The following CSMD1 variants were observed in gnomAD, a reference collection of about 807,000 sequenced individuals.
The protein encoded by CSMD1 is CUB and sushi domain-containing protein 1.
In CSMD1, 213 loss-of-function variants were observed where a neutral mutation model predicts 417.5. The observed-to-expected ratio is 0.51, with a 90% confidence interval of 0.46 to 0.57. CSMD1 has a LOEUF of 0.57. CSMD1 is among the 20% of genes least tolerant of loss of function. The pLI, the probability that CSMD1 is intolerant of heterozygous loss-of-function variation, is 0.00. For synonymous variants in CSMD1, 2,862 were observed against 1,736.8 expected (o/e 1.65, Z -16.11); for missense variants, 6,923 against 4,529.7 (o/e 1.53, Z -15.17).
intron 5 of CSMD1, among the ~76,000 whole-genome samples, chr8:3,820,302 A>G (rs922219892): frequency 6.6e-6 from 1 of 152,172 alleles, no homozygotes; most frequent in Admixed American, 6.5e-5. Flanking sequence ...AGCTCAGAAG[A>G]GGACACAGTA....
chr8:4,353,885 G>C (rs1233771668), intron 3 of CSMD1, among the ~76,000 whole-genome samples: 1 of 152,162 alleles, frequency 6.6e-6, no homozygotes, highest in South Asian at 2.1e-4. Context: ...TAGTGCCAGG[G>C]AAAAGAGCAT....
chr8:4,102,837 T>TAA (rs1263757322), intron 3 of CSMD1, among the ~76,000 whole-genome samples: 7 of 152,158 alleles, frequency 4.6e-5, no homozygotes, highest in African/African-American at 1.7e-4. Context: ...TCCTGCTTGA[T>TAA]ATCAGGAAGG....
chr8:3,604,404 G>C (rs976397468), intron 8 of CSMD1, among the ~76,000 whole-genome samples: 5 of 152,016 alleles, frequency 3.3e-5, no homozygotes, highest in Non-Finnish European at 5.9e-5. Flanking sequence ...ATTTTCTCTG[G>C]TCAGTATATA....
chr8:3,339,748 T>C (rs1203707982), intron 23 of CSMD1, among the ~76,000 whole-genome samples: 1 of 152,170 alleles, frequency 6.6e-6, no homozygotes, highest in Non-Finnish European at 1.5e-5. Flanking sequence ...TCTAAGCTTC[T>C]TATGTCACAG....
At chr8:3,962,475 C>A (rs954834997) in intron 5 of CSMD1, among the ~76,000 whole-genome samples, 2 of 152,128 alleles carry the variant, frequency 1.3e-5, no homozygotes, top group Non-Finnish European at 2.9e-5. Context: ...TTGGATGTCA[C>A]CCCCTGTTTA....
At position 3,575,069 on chromosome 8, in the gene CSMD1, G is replaced by A. The variant is rs184791554; in HGVS notation, c.1223-3C>T. 860 of 1,612,134 alleles carry A rather than the reference G, an allele frequency of 5.3e-4. 6 individuals carry two copies. In the African/African-American group the frequency reaches 9.3e-3, roughly 17 times the overall value. Reference sequence around the variant, plus strand: ...CAGATTGGATCCACATGTTCTCGCTGGAAACACATAGAAACGACGTTATTT... The same window carrying A: ...CAGATTGGATCCACATGTTCTCGCTAGAAACACATAGAAACGACGTTATTT... On this transcript the variant is annotated splice_region_variant and splice_polypyrimidine_tract_variant and intron_variant, in intron 9 of 69. Coordinates refer to ENST00000635120, the MANE Select transcript of CSMD1 (RefSeq NM_033225.6).
chr8:3,512,772 G>A (rs1197926231), intron 10 of CSMD1, among the ~76,000 whole-genome samples: 3 of 151,704 alleles, frequency 2.0e-5, no homozygotes, highest in East Asian at 2.0e-4. Flanking sequence ...CCACACGCAG[G>A]TTTTTTATTT....
chr8:4,778,213 C>T (rs1226693664), intron 1 of CSMD1, among the ~76,000 whole-genome samples: 1 of 152,044 alleles, frequency 6.6e-6, no homozygotes, highest in Non-Finnish European at 1.5e-5. Flanking sequence ...TGAAAATATT[C>T]AGATTTGCAA....
At chr8:3,792,096 T>C (rs534097293) in intron 5 of CSMD1, among the ~76,000 whole-genome samples, 1 of 152,286 alleles carries the variant, frequency 6.6e-6, no homozygotes, top group Non-Finnish European at 1.5e-5. Flanking sequence ...AATGACTTCC[T>C]GAGCCTGGGC....
intron 1 of CSMD1, among the ~76,000 whole-genome samples, chr8:4,908,358 G>A (rs74536428): frequency 0.026 from 3,979 of 151,992 alleles, 172 homozygotes; most frequent in African/African-American, 0.091. Context: ...TATAATTCTT[G>A]ATGTTCTCTG....
At chr8:3,539,548 G>C (rs986036418) in intron 10 of CSMD1, among the ~76,000 whole-genome samples, 3 of 152,198 alleles carry the variant, frequency 2.0e-5, no homozygotes, top group Admixed American at 6.5e-5. Context: ...AAACGTGCAA[G>C]GAAAAGCGTG....
chr8:3,405,765 C>T (rs1161520), intron 15 of CSMD1, among the ~76,000 whole-genome samples: 4 of 151,948 alleles, frequency 2.6e-5, no homozygotes, highest in African/African-American at 4.8e-5. Context: ...GATTGCCAAA[C>T]ACCGCCAGGA....
intron 3 of CSMD1, among the ~76,000 whole-genome samples, chr8:4,346,911 T>C (rs551103388): frequency 6.6e-6 from 1 of 152,144 alleles, no homozygotes; most frequent in Non-Finnish European, 1.5e-5. Context: ...TGGACCTCAA[T>C]CTTTTCCTCA....
At chr8:4,461,208 A>G (rs564358282) in intron 2 of CSMD1, among the ~76,000 whole-genome samples, 6 of 152,046 alleles carry the variant, frequency 3.9e-5, no homozygotes, top group African/African-American at 1.5e-4. Context: ...GATAAAAACA[A>G]TTAACTAGCA....
rs76122900 is a variant in CSMD1, at chr8:4,203,310, G to A, written c.416-171211C>T. On this transcript the variant is annotated intron_variant, in intron 3 of 69. Transcript: ENST00000635120. ...AGAACACAGGCCCCTCAACACCACG[G>A]GGTCGGCTCAGGGAGACCCATCTGC... Among the ~76,000 whole-genome samples the A allele has an allele frequency of 2.1e-3, 319 of 152,210 alleles. 1 individual carries two copies. The highest frequency in any genetic ancestry group is 7.4e-3 in the African/African-American group (309 of 41,530).
At chr8:4,252,973 A>G (rs1344433989) in intron 3 of CSMD1, among the ~76,000 whole-genome samples, 3 of 152,224 alleles carry the variant, frequency 2.0e-5, no homozygotes, top group Non-Finnish European at 4.4e-5. Context: ...ATGACAGCCC[A>G]GTAAGCCTAT....
intron 30 of CSMD1, among the ~76,000 whole-genome samples, chr8:3,209,198 T>G (rs149517352): frequency 6.6e-6 from 1 of 152,200 alleles, no homozygotes; most frequent in South Asian, 2.1e-4. Context: ...CAGATCAAAA[T>G]GCTAAGCACC....
chr8:4,464,506 G>C (rs1304037610), intron 2 of CSMD1, among the ~76,000 whole-genome samples: 1 of 152,104 alleles, frequency 6.6e-6, no homozygotes, highest in Non-Finnish European at 1.5e-5. Context: ...ATAACACATT[G>C]AGTATCTCGT....
chr8:3,991,399 G>C (rs1280000065), intron 5 of CSMD1, among the ~76,000 whole-genome samples: 1 of 152,148 alleles, frequency 6.6e-6, no homozygotes, highest in Non-Finnish European at 1.5e-5. Flanking sequence ...ATATAACCCT[G>C]TTTAGTCACA....
Sources: gnomAD v4.1 joint callset for allele counts (sites outside exome capture counted in the v4.1 genomes callset) on GRCh38, gnomAD v4.1.1 for gene constraint, MANE v1.5 for transcripts, NCBI Gene and HGNC (gene_info 2026-07-23, HGNC 2026-07-21) for gene names.